Variants in CAST observed in about 807,000 individuals in gnomAD.
CAST encodes the protein calpastatin, also known as MIR583 host.
A neutral mutation model predicts 119.6 loss-of-function variants in CAST; 76 were observed. The observed-to-expected ratio is 0.64, with a 90% CI of 0.53 to 0.77. The LOEUF is 0.77. CAST is among the 30% of genes least tolerant of loss of function. The pLI, the probability that CAST is intolerant of heterozygous loss-of-function variation, is 0.00. For synonymous variants in CAST, 319 were observed against 331.6 expected, an observed-to-expected ratio of 0.96 and a Z score of 0.41; for missense variants, 953 against 946.5, an observed-to-expected ratio of 1.01 and a Z score of -0.09.
At chr5:96,275,645 A>T in the CAST span, among the ~76,000 whole-genome samples, 1 of 152,150 alleles carries the variant, frequency 6.6e-6, no homozygotes, top group Non-Finnish European at 1.5e-5. Flanking sequence ...CAAGATATAG[A>T]GTTTATTTTG....
the CAST span, among the ~76,000 whole-genome samples, chr5:96,453,231 T>C: frequency 1.3e-5 from 2 of 152,228 alleles, no homozygotes; most frequent in African/African-American, 2.4e-5. Flanking sequence ...GTTTTTCTGT[T>C]AATTTTCACC....
chr5:95,974,273 C>T, the CAST span, among the ~76,000 whole-genome samples: 4 of 152,126 alleles, frequency 2.6e-5, no homozygotes, highest in Admixed American at 1.3e-4. Context: ...TGACAAGTGA[C>T]GCTAATAGAC....
chr5:96,668,193 G>A (rs1259050205), intron 1 of CAST, among the ~76,000 whole-genome samples: 1 of 151,996 alleles, frequency 6.6e-6, no homozygotes, highest in Non-Finnish European at 1.5e-5. Flanking sequence ...ATGTTTTAAA[G>A]CATGGGAATT....
At chr5:96,113,137 C>T in the CAST span, among the ~76,000 whole-genome samples, 1 of 152,178 alleles carries the variant, frequency 6.6e-6, no homozygotes. Context: ...CAGCATGCTT[C>T]TTAACAGCAG....
At chr5:96,609,535 A>G (rs766997553) in intron 1 of CAST, among the ~76,000 whole-genome samples, 14 of 152,216 alleles carry the variant, frequency 9.2e-5, no homozygotes, top group Non-Finnish European at 1.9e-4. Flanking sequence ...AACAATGCCA[A>G]TGCTCTTGTC....
At chr5:96,707,648 G>A (rs529948942) in intron 3 of CAST, among the ~76,000 whole-genome samples, 72 of 152,206 alleles carry the variant, frequency 4.7e-4, no homozygotes, top group Middle Eastern at 6.8e-3. Context: ...CACAGGGAAG[G>A]TCTCTAATGA....
chr5:95,975,946 T>G, the CAST span, among the ~76,000 whole-genome samples: 1 of 152,150 alleles, frequency 6.6e-6, no homozygotes, highest in Non-Finnish European at 1.5e-5. Context: ...GGCTCCACCC[T>G]ATTCTGGTCA....
chr5:96,187,029 T>C, the CAST span, among the ~76,000 whole-genome samples: 1 of 152,310 alleles, frequency 6.6e-6, no homozygotes, highest in Non-Finnish European at 1.5e-5. Context: ...ATTTCAGAAC[T>C]CGTTATTGGT....
At chr5:96,139,874 A>C in the CAST span, among the ~76,000 whole-genome samples, 1 of 152,078 alleles carries the variant, frequency 6.6e-6, no homozygotes, top group Non-Finnish European at 1.5e-5. Flanking sequence ...AGAGGGTGGG[A>C]GGGCAAACTC....
chr5:96,569,918 C>T (rs1008057821), intron 1 of CAST, among the ~76,000 whole-genome samples: 1 of 152,202 alleles, frequency 6.6e-6, no homozygotes, highest in African/African-American at 2.4e-5. Flanking sequence ...CATTGTGCTT[C>T]ACCTGTTTCA....
At chr5:96,667,234 A>G (rs1332612119) in intron 1 of CAST, among the ~76,000 whole-genome samples, 1 of 152,148 alleles carries the variant, frequency 6.6e-6, no homozygotes, top group Non-Finnish European at 1.5e-5. Flanking sequence ...GTTGTAGGAA[A>G]CTCATAGAAC....
chr5:96,488,373 A>G, the CAST span, among the ~76,000 whole-genome samples: 1 of 152,214 alleles, frequency 6.6e-6, no homozygotes, highest in South Asian at 2.1e-4. Flanking sequence ...CAGCTAAAAA[A>G]AAACCCTAAG....
the CAST span, among the ~76,000 whole-genome samples, chr5:96,102,380 C>T: frequency 9.1e-4 from 138 of 152,228 alleles, no homozygotes; most frequent in East Asian, 0.024. Context: ...TCCAGCCGTC[C>T]CTCTGAAGTC....
chr5:96,418,153 C>T, the CAST span, among the ~76,000 whole-genome samples: 2 of 152,208 alleles, frequency 1.3e-5, no homozygotes, highest in African/African-American at 4.8e-5. Context: ...TACAAATATG[C>T]ATTGACATGT....
chr5:96,524,695 A>G (rs1433133042), upstream of CAST, among the ~76,000 whole-genome samples: 2 of 152,222 alleles, frequency 1.3e-5, no homozygotes, highest in African/African-American at 4.8e-5. Flanking sequence ...TTCTGGATCT[A>G]CCAGTCAGTT....
the CAST span, among the ~76,000 whole-genome samples, chr5:96,465,368 T>C: frequency 6.6e-6 from 1 of 152,134 alleles, no homozygotes. Context: ...TTTTGGCTCT[T>C]TATTTTTTAT....
At chr5:96,706,973 G>A (rs1425714217) in intron 3 of CAST, among the ~76,000 whole-genome samples, 2 of 152,186 alleles carry the variant, frequency 1.3e-5, no homozygotes, top group African/African-American at 2.4e-5. Context: ...CAAGCTCTGA[G>A]GGTTACATTT....
the CAST span, among the ~76,000 whole-genome samples, chr5:96,464,135 G>T: frequency 6.6e-6 from 1 of 151,852 alleles, no homozygotes; most frequent in Non-Finnish European, 1.5e-5. Flanking sequence ...TTTGGTTTTT[G>T]TTTAAGATAC....
chr5:96,365,343 C>T, the CAST span, among the ~76,000 whole-genome samples: 16 of 152,122 alleles, frequency 1.1e-4, no homozygotes, highest in South Asian at 3.3e-3. Flanking sequence ...ATTAGGTCCG[C>T]TTGGTGCAGA....
Sources: gnomAD v4.1 joint callset for allele counts (sites outside exome capture counted in the v4.1 genomes callset) on GRCh38, gnomAD v4.1.1 for gene constraint, MANE v1.5 for transcripts, NCBI Gene and HGNC (gene_info 2026-07-23, HGNC 2026-07-21) for gene names.